The following ANKFN1 variants were observed in gnomAD, a reference collection of about 807,000 sequenced individuals.
ANKFN1 encodes the protein ankyrin repeat and fibronectin type III domain containing 1.
Under a neutral mutation model 108.7 loss-of-function variants are expected in ANKFN1, and 74 were observed. The ratio of observed to expected loss-of-function variants is 0.68; its 90% CI spans 0.56 to 0.83. The LOEUF is 0.83. Ranked by LOEUF, ANKFN1 falls within the 40% of genes least tolerant of loss-of-function variation. The pLI, the probability that ANKFN1 is intolerant of heterozygous loss-of-function variation, is 0.00. For synonymous variants in ANKFN1, 547 were observed against 516.2 expected, an observed-to-expected ratio of 1.06 and a Z score of -0.81; for missense variants, 1,505 against 1,382.3, an observed-to-expected ratio of 1.09 and a Z score of -1.41.
intron 15 of ANKFN1, among the ~76,000 whole-genome samples, chr17:56,474,853 G>A (rs1024120341): frequency 2.0e-5 from 3 of 152,092 alleles, no homozygotes; most frequent in Non-Finnish European, 4.4e-5. Context: ...ACATTAAAAA[G>A]TTCAGCCTTA....
intron 8 of ANKFN1, among the ~76,000 whole-genome samples, chr17:56,396,384 G>T (rs916746967): frequency 2.6e-5 from 4 of 152,182 alleles, no homozygotes; most frequent in African/African-American, 9.7e-5. Flanking sequence ...GGAGGCGGAG[G>T]TTGCAGTGAG....
chr17:56,344,335 A>G (rs1013288733), intron 4 of ANKFN1, among the ~76,000 whole-genome samples: 2 of 152,034 alleles, frequency 1.3e-5, no homozygotes, highest in Non-Finnish European at 1.5e-5. Flanking sequence ...TAATGATTGA[A>G]CAGAGATTTC....
chr17:56,161,192 A>T (rs1403887563), intron 1 of ANKFN1, among the ~76,000 whole-genome samples: 2 of 152,230 alleles, frequency 1.3e-5, no homozygotes, highest in African/African-American at 2.4e-5. Context: ...AAATGAGATT[A>T]TGCATTAAAT....
chr17:56,454,118 A>T (rs943317752), intron 11 of ANKFN1, among the ~76,000 whole-genome samples: 4 of 152,126 alleles, frequency 2.6e-5, no homozygotes, highest in Non-Finnish European at 4.4e-5. Flanking sequence ...AACTCTTGTT[A>T]TTCAGATTTT....
intron 3 of ANKFN1, among the ~76,000 whole-genome samples, chr17:56,309,890 T>C (rs1231376301): frequency 6.6e-6 from 1 of 152,210 alleles, no homozygotes; most frequent in Non-Finnish European, 1.5e-5. Flanking sequence ...CTTGTGATGA[T>C]GTGAGATGAG....
intron 3 of ANKFN1, among the ~76,000 whole-genome samples, chr17:56,305,351 T>C (rs1034459006): frequency 1.3e-5 from 2 of 152,212 alleles, no homozygotes; most frequent in Admixed American, 6.5e-5. Flanking sequence ...CTTGAAAATA[T>C]TTTTTCTCAC....
chr17:56,119,442 T>C (rs1334311714), intron 4 of ANKFN1, among the ~76,000 whole-genome samples: 2 of 152,070 alleles, frequency 1.3e-5, no homozygotes, highest in African/African-American at 4.8e-5. Flanking sequence ...TAGACAGCTA[T>C]GTGGTAGGGT....
chr17:56,475,361 T>G (rs1442832), intron 15 of ANKFN1, among the ~76,000 whole-genome samples: 79,795 of 151,986 alleles, frequency 0.53, 25,560 homozygotes, highest in East Asian at 0.87. Flanking sequence ...TGACACATTA[T>G]AGGGACTCAA....
At chr17:56,394,180 C>T (rs1340424229) in intron 8 of ANKFN1, among the ~76,000 whole-genome samples, 2 of 152,178 alleles carry the variant, frequency 1.3e-5, no homozygotes, top group African/African-American at 2.4e-5. Flanking sequence ...AGCCTCACCT[C>T]AAATCATTTT....
At chr17:56,391,689 G>A (rs1454538516) in intron 8 of ANKFN1, among the ~76,000 whole-genome samples, 1 of 152,000 alleles carries the variant, frequency 6.6e-6, no homozygotes, top group Non-Finnish European at 1.5e-5. Flanking sequence ...GCCTCCCAAA[G>A]TGCTGGGATT....
At chr17:56,315,897 A>G (rs979846205) in intron 3 of ANKFN1, among the ~76,000 whole-genome samples, 1 of 152,222 alleles carries the variant, frequency 6.6e-6, no homozygotes, top group African/African-American at 2.4e-5. Context: ...TGAGGCTACA[A>G]TTTAAAAAGA....
Position 56,374,691 on chromosome 17 carries a change from C to G in ANKFN1, c.887C>G (p.Ala296Gly). ...VSFQEPLSVN[A>G]AVVTRYKVEW... ...TTCCAAGAGCCTCTTAGCGTCAATGCAGCTGTAGTAACCAGGTATAAAGGT... is the reference window on the plus strand; with the variant it reads ...TTCCAAGAGCCTCTTAGCGTCAATGGAGCTGTAGTAACCAGGTATAAAGGT... The change falls in exon 8 of 21, where the codon GCA becomes GGA. Residue 296 changes from alanine to glycine, a missense_variant. Coordinates refer to ENST00000682825, the MANE Select transcript of ANKFN1 (RefSeq NM_001370326.1). 1.2e-6 allele frequency: 2 copies of G among 1,613,618 alleles called. No homozygotes were observed. Among genetic ancestry groups the G allele is most frequent in the Non-Finnish European group, 1.7e-6 (2 of 1,179,576 alleles).
At chr17:56,067,055 G>A (rs1905066939) in intron 4 of ANKFN1, among the ~76,000 whole-genome samples, 1 of 152,138 alleles carries the variant, frequency 6.6e-6, no homozygotes, top group African/African-American at 2.4e-5. Flanking sequence ...TTAGCCAGGT[G>A]GAGAGTGCCT....
chr17:56,294,135 C>A (rs976073516), intron 3 of ANKFN1, among the ~76,000 whole-genome samples: 2 of 152,226 alleles, frequency 1.3e-5, no homozygotes, highest in Non-Finnish European at 2.9e-5. Context: ...GTTTTGCTAT[C>A]AGCTAGAAGG....
At chr17:56,124,875 C>A (rs1201493799) in intron 4 of ANKFN1, among the ~76,000 whole-genome samples, 1 of 152,208 alleles carries the variant, frequency 6.6e-6, no homozygotes, top group African/African-American at 2.4e-5. Flanking sequence ...CTTTCCTGGT[C>A]TCCGTGTGAC....
intron 3 of ANKFN1, among the ~76,000 whole-genome samples, chr17:56,236,529 G>T (rs1917167278): frequency 6.6e-6 from 1 of 152,082 alleles, no homozygotes; most frequent in Non-Finnish European, 1.5e-5. Context: ...AGTGGTTTTT[G>T]AACATAATTT....
chr17:56,426,759 C>A (rs1328006912), intron 8 of ANKFN1, among the ~76,000 whole-genome samples: 1 of 152,180 alleles, frequency 6.6e-6, no homozygotes, highest in African/African-American at 2.4e-5. Flanking sequence ...AAAGGGTATT[C>A]TTTGATCTGC....
At chr17:56,055,383 G>A (rs781469748) in intron 4 of ANKFN1, among the ~76,000 whole-genome samples, 52 of 150,732 alleles carry the variant, frequency 3.4e-4, no homozygotes, top group Middle Eastern at 3.4e-3. Context: ...CTTCATTCAT[G>A]TTGCTGCAAA....
chr17:56,410,839 A>C (rs2048069318), intron 8 of ANKFN1, among the ~76,000 whole-genome samples: 1 of 152,206 alleles, frequency 6.6e-6, no homozygotes, highest in South Asian at 2.1e-4. Flanking sequence ...TGGTAAATAC[A>C]TGGGTTTATT....
Sources: allele counts gnomAD v4.1 joint callset (sites outside exome capture counted in the v4.1 genomes callset), GRCh38; gene constraint gnomAD v4.1.1; transcripts MANE v1.5; gene names NCBI Gene and HGNC (gene_info 2026-07-23, HGNC 2026-07-21).